Variants in PABIR3 observed in about 807,000 individuals in gnomAD.
PABIR3 encodes PABIR family member 3.
Under a neutral mutation model 23.1 loss-of-function variants are expected in PABIR3, and 20 were observed. The observed-to-expected ratio is 0.86, with a 90% CI of 0.61 to 1.26. The LOEUF (loss-of-function observed/expected upper bound fraction) is 1.26, where lower values mean the gene tolerates loss of function less well. PABIR3 is among the 50% of genes most tolerant of loss of function. The probability of loss-of-function intolerance (pLI) is 0.00; values close to 1 mark genes in which losing one functional copy is unlikely to be tolerated. For synonymous variants in PABIR3, 69 were observed against 68.5 expected, an observed-to-expected ratio of 1.01 and a Z score of -0.04; for missense variants, 189 against 195.4, an observed-to-expected ratio of 0.97 and a Z score of 0.20.
chrX:134,843,257 T>C (rs759859572), intron 4 of PABIR3, among the ~76,000 whole-genome samples: 2 of 111,756 alleles, frequency 1.8e-5, no homozygotes, highest in East Asian at 5.6e-4. Flanking sequence ...TTTTTTTCTC[T>C]TGTTGCCTGT....
At chrX:134,864,399 A>G in the PABIR3 span, among the ~76,000 whole-genome samples, 4 of 111,871 alleles carry the variant, frequency 3.6e-5, no homozygotes, top group Non-Finnish European at 7.5e-5. Context: ...TAAGCTTACA[A>G]CTAAGATACA....
chrX:134,862,912 G>A, the PABIR3 span, among the ~76,000 whole-genome samples: 1 of 112,057 alleles, frequency 8.9e-6, no homozygotes, highest in African/African-American at 3.2e-5. Context: ...CTCTCCAATA[G>A]ATGGACTTTC....
chrX:134,853,961 C>A, intron 10 of PABIR3, 130 bp from the exon 11 acceptor site: 1 of 668,207 alleles, frequency 1.5e-6, no homozygotes, highest in South Asian at 3.2e-5. Flanking sequence ...TTGTATGACT[C>A]TTAAAAAACT....
intron 2 of PABIR3, chrX:134,807,975 G>T: frequency 3.2e-6 from 1 of 309,953 alleles, no homozygotes; most frequent in Non-Finnish European, 5.6e-6. Flanking sequence ...GAAAGTAGCA[G>T]CCAGTTGGTG....
chrX:134,826,291 G>A (rs1569453723), intron 3 of PABIR3, among the ~76,000 whole-genome samples: 2 of 111,357 alleles, frequency 1.8e-5, no homozygotes, highest in Non-Finnish European at 3.8e-5. Context: ...TGCTTATGCT[G>A]GCAAACTCCT....
chrX:134,859,137 CAGGT>C (rs1341810919), downstream of PABIR3, among the ~76,000 whole-genome samples: 21 of 110,941 alleles, frequency 1.9e-4, no homozygotes, highest in African/African-American at 6.9e-4. Context: ...GGTCTTTGGG[CAGGT>C]CACTTCACTG....
In PABIR3 at chrX:134,814,844, T is replaced by C. The variant is rs767065577; in HGVS notation, c.184T>C (p.Ser62Pro). ...TNRTTFRNRRSLLLPPPPFHG... is the reference protein window; with the variant it reads ...TNRTTFRNRRPLLLPPPPFHG... ...CAGAACAACATTTAGGAATCGACGC[T>C]CTCTGGTAAGGAAATGCTTATAGTG... Residue 62 changes from serine (S) to proline (P), a missense_variant, in exon 3 of 11, where the codon TCT becomes CCT. Coordinates refer to ENST00000645433, the MANE Select transcript of PABIR3 (RefSeq NM_001388447.1). 3 of 1,190,967 alleles carry C rather than the reference T, an allele frequency of 2.5e-6. No individual in the cohort carries two copies. Among genetic ancestry groups the C allele is most frequent in the Non-Finnish European group, 3.4e-6 (3 of 881,871 alleles).
chrX:134,858,893 A>G (rs1368519407), downstream of PABIR3, among the ~76,000 whole-genome samples: 1 of 111,905 alleles, frequency 8.9e-6, no homozygotes, highest in African/African-American at 3.2e-5. Flanking sequence ...CTTGATGACC[A>G]TGGTCTCTCA....
At chrX:134,844,769 T>G (rs1423324136) in intron 4 of PABIR3, among the ~76,000 whole-genome samples, 1 of 112,115 alleles carries the variant, frequency 8.9e-6, no homozygotes, top group Non-Finnish European at 1.9e-5. Context: ...TTAAGCAAAC[T>G]TACCCTGATA....
rs747833639 is a variant in PABIR3 at position 134,845,170 on chromosome X, G to T, written c.247-35G>T. 2.7e-6 allele frequency: 3 copies of T among 1,100,483 alleles called. No individual in the cohort carries two copies. In the South Asian group the frequency reaches 5.9e-5, roughly 22 times the overall value. 90.7% of individuals were successfully genotyped at this position (1,100,483 alleles called of 1,213,427 possible). A position where few individuals can be genotyped will look rare whatever the true frequency, so the allele number is the denominator to read the frequency against. On this transcript the variant is annotated intron_variant, in intron 4 of 10. Coordinates refer to ENST00000645433, the MANE Select transcript of PABIR3 (RefSeq NM_001388447.1). ...AATTTTATAAAACCATAGGAACTGG[G>T]TATTCAGTTTATTCTCATTTTCCTA...
intron 9 of PABIR3, among the ~76,000 whole-genome samples, chrX:134,850,477 C>A (rs1323686332): frequency 1.8e-5 from 2 of 111,536 alleles, no homozygotes; most frequent in Non-Finnish European, 3.8e-5. Context: ...GGTTACTAAG[C>A]TTAGGGGTCT....
intron 3 of PABIR3, among the ~76,000 whole-genome samples, chrX:134,828,047 C>CTCTATATATA (rs1466733144): frequency 4.0e-5 from 2 of 49,407 alleles, no homozygotes; most frequent in African/African-American, 8.2e-5. Flanking sequence ...CTCTCTCTCT[C>CTCTATATATA]TATATATATA....
At chrX:134,826,376 C>T (rs999798300) in intron 3 of PABIR3, among the ~76,000 whole-genome samples, 1 of 111,544 alleles carries the variant, frequency 9.0e-6, no homozygotes, top group Non-Finnish European at 1.9e-5. Context: ...CCTACACACA[C>T]CCACTTCATC....
intron 3 of PABIR3, among the ~76,000 whole-genome samples, chrX:134,820,205 G>A (rs1603199982): frequency 9.0e-6 from 1 of 111,718 alleles, no homozygotes; most frequent in East Asian, 2.8e-4. Context: ...GATATCTCTG[G>A]AGCATGACAT....
intron 9 of PABIR3, among the ~76,000 whole-genome samples, chrX:134,852,480 T>G: frequency 9.2e-6 from 1 of 109,249 alleles, no homozygotes; most frequent in Admixed American, 9.9e-5. Flanking sequence ...CACAAAATAA[T>G]AATAATAATA....
rs189900021 is a variant in PABIR3, at chrX:134,813,488, G to T, written c.111-1283G>T. On this transcript the variant is annotated intron_variant, in intron 2 of 10. Transcript: ENST00000645433. Reference sequence around the variant, plus strand: ...GGTAAAATCTAAAATACTGGCAGTTGATTGGATATAGGCAGCTAAAACAAA... The same window carrying T: ...GGTAAAATCTAAAATACTGGCAGTTTATTGGATATAGGCAGCTAAAACAAA... Among the ~76,000 whole-genome samples the T allele has an allele frequency of 2.7e-5, 3 of 112,392 alleles. No individual in the cohort carries two copies. The East Asian group carries it at 8.4e-4, about 31-fold the overall frequency.
At chrX:134,829,304 A>G (rs199537456) in intron 4 of PABIR3, 22 bp downstream of exon 4, 19 of 1,161,081 alleles carry the variant, frequency 1.6e-5, no homozygotes, top group Non-Finnish European at 2.1e-5. Context: ...TTCCAAACTG[A>G]CAGCTGTTCA....
chrX:134,856,382 C>T (rs1481197546), downstream of PABIR3, among the ~76,000 whole-genome samples: 1 of 110,212 alleles, frequency 9.1e-6, no homozygotes, highest in East Asian at 2.9e-4. Flanking sequence ...GGTGGGGTTT[C>T]GCCATGTTGC....
upstream of PABIR3, chrX:134,796,496 G>C: frequency 7.5e-6 from 2 of 266,849 alleles, no homozygotes; most frequent in Non-Finnish European, 1.3e-5. Flanking sequence ...AGGAAAGAAG[G>C]ATGGAGGGAA....
Sources: gnomAD v4.1 joint callset for allele counts (sites outside exome capture counted in the v4.1 genomes callset) on GRCh38, gnomAD v4.1.1 for gene constraint, MANE v1.5 for transcripts, NCBI Gene and HGNC (gene_info 2026-07-23, HGNC 2026-07-21) for gene names.